The following ITM2A variants were observed in gnomAD, a reference collection of about 807,000 sequenced individuals.
ITM2A encodes integral membrane protein 2A, also known as BRICHOS domain containing 2A.
A neutral mutation model predicts 16.6 loss-of-function variants in ITM2A; 11 were observed. The observed-to-expected ratio is 0.66, with a 90% CI of 0.42 to 1.10. The LOEUF is 1.10. Ranked by LOEUF, ITM2A falls within the 50% of genes least tolerant of loss-of-function variation. The pLI is 0.00. For synonymous variants in ITM2A, 102 were observed against 71.2 expected, an observed-to-expected ratio of 1.43 and a Z score of -2.18; for missense variants, 243 against 206.8, an observed-to-expected ratio of 1.17 and a Z score of -1.07.
In ITM2A at chrX:79,362,638, G is replaced by T. The variant is rs1346752878; in HGVS notation, c.495C>A (p.Leu165=). 2 of 1,207,778 alleles carry T rather than the reference G, an allele frequency of 1.7e-6. No individual in the cohort carries two copies. Among genetic ancestry groups the T allele is most frequent in the Non-Finnish European group, 2.2e-6 (2 of 892,905 alleles). The change falls in exon 4 of 6, where the codon CTC becomes CTA. Residue 165 remains leucine (L), a synonymous_variant. Coordinates refer to ENST00000373298, the MANE Select transcript of ITM2A (RefSeq NM_004867.5). ...TTGGAGGCATAACAATAGAAGTATTGAGGGGCATCAGATAGCAGTTCCCCA... is the reference window on the plus strand; with the variant it reads ...TTGGAGGCATAACAATAGAAGTATTTAGGGGCATCAGATAGCAGTTCCCCA... ...LLLGNCYLMP[L]NTSIVMPPKN...
At chrX:79,361,658 G>C (rs931781524) in intron 4 of ITM2A, among the ~76,000 whole-genome samples, 179 bp from the exon 5 acceptor site, 4 of 111,118 alleles carry the variant, frequency 3.6e-5, no homozygotes, top group African/African-American at 1.3e-4. Flanking sequence ...TCCTGATCCT[G>C]TCCCTTCCCC....
intron 1 of ITM2A, chrX:79,366,743 G>C: frequency 6.5e-6 from 1 of 152,783 alleles, no homozygotes; most frequent in South Asian, 2.0e-4. Flanking sequence ...GACTATGCGC[G>C]CCCCTGGAGG....
intron 1 of ITM2A, among the ~76,000 whole-genome samples, chrX:79,365,424 C>T (rs906232107): frequency 6.3e-5 from 7 of 111,474 alleles, no homozygotes; most frequent in Non-Finnish European, 1.9e-5. Context: ...TTGTCATGCT[C>T]AACCTCTAAT....
rs953701339 is a variant in ITM2A, at chrX:79,360,420, T to A, written c.*669A>T. On this transcript the variant is annotated 3_prime_UTR_variant, in exon 6 of 6. Coordinates refer to ENST00000373298, the MANE Select transcript of ITM2A (RefSeq NM_004867.5). ...AAAATTTATTATAGGGTTGTAGAATTCATACAACCTAAACTCCTTACAGCA... is the reference window on the plus strand; with the variant it reads ...AAAATTTATTATAGGGTTGTAGAATACATACAACCTAAACTCCTTACAGCA... The A allele has an allele frequency of 3.6e-5, 4 of 111,653 alleles. No homozygotes were observed. Among genetic ancestry groups the A allele is most frequent in the African/African-American group, 6.5e-5 (2 of 30,783 alleles). 9.2% of individuals were successfully genotyped at this position (111,653 alleles called of 1,213,427 possible). A position where few individuals can be genotyped will look rare whatever the true frequency, so the allele number is the denominator to read the frequency against.
intron 1 of ITM2A, chrX:79,366,848 C>T (rs1393984255): frequency 3.0e-6 from 1 of 333,213 alleles, no homozygotes; most frequent in African/African-American, 2.7e-5. Context: ...TCCTCAAACT[C>T]TCTCTGACCT....
Position 79,362,680 on chromosome X carries a change from A to G in ITM2A, c.453T>C (p.Ala151=). 8.4e-7 allele frequency: 1 copy of G among 1,196,041 alleles called. No homozygotes were observed. The highest frequency in any genetic ancestry group is 1.1e-6 in the Non-Finnish European group (1 of 883,114). The change falls in exon 4 of 6, where the codon GCT becomes GCC. Residue 151 remains alanine, a synonymous_variant. Transcript: ENST00000373298. ...IIHDFEKGMT[A]YLDLLLGNCY... is the part of the protein sequence containing the mutation. ...AGTTCCCCAGCAACAAGTCCAGGTA[A>G]GCAGTCATTCCCTGTTAGGTAGGGG...
intron 3 of ITM2A, 35 bp from the exon 4 acceptor site, chrX:79,362,726 A>T (rs754308977): frequency 4.0e-6 from 4 of 1,001,459 alleles, no homozygotes; most frequent in Non-Finnish European, 5.6e-6. Context: ...GGTAAGACAC[A>T]GAAGGCATTA....
At chrX:79,367,017 G>T in intron 1 of ITM2A, 88 bp downstream of exon 1, 1 of 629,473 alleles carries the variant, frequency 1.6e-6, no homozygotes, top group Non-Finnish European at 2.4e-6. Flanking sequence ...AGCAAGAGGG[G>T]CCCTCCCAGG....
At chrX:79,362,848 C>T (rs1451339199) in intron 3 of ITM2A, 94 bp downstream of exon 3, 3 of 722,895 alleles carry the variant, frequency 4.1e-6, no homozygotes, top group Admixed American at 5.7e-5. Context: ...AAAACATGTG[C>T]ATTCATGAAT....
At chrX:79,362,882 T>C in intron 3 of ITM2A, 60 bp downstream of exon 3, 1 of 924,186 alleles carries the variant, frequency 1.1e-6, no homozygotes, top group Admixed American at 2.4e-5. Context: ...GCCAATGAAG[T>C]AAAAAAGAGA....
chrX:79,367,093 T>C lies in ITM2A; in HGVS notation c.111+12A>G. ...CGCCCACCCCTCCCCCATCCCGCCCTGGGACAGCTACCTTGCCGGTCAGTA... is the reference window on the plus strand; with the variant it reads ...CGCCCACCCCTCCCCCATCCCGCCCCGGGACAGCTACCTTGCCGGTCAGTA... On this transcript the variant is annotated intron_variant, in intron 1 of 5. Coordinates refer to ENST00000373298, the MANE Select transcript of ITM2A (RefSeq NM_004867.5). 1.0e-6 allele frequency: 1 copy of C among 995,459 alleles called. No homozygotes were observed. The highest frequency in any genetic ancestry group is 3.2e-5 in the East Asian group (1 of 30,814). The allele number at this position is 995,459 out of a possible 1,213,427, so 82.0% of individuals were successfully genotyped here.
chrX:79,363,528 T>C lies in ITM2A; in HGVS notation c.138A>G (p.Lys46=). The C allele has an allele frequency of 8.4e-7, 1 of 1,184,854 alleles. No individual in the cohort carries two copies. The highest frequency in any genetic ancestry group is 2.0e-5 in the South Asian group (1 of 50,800). The change falls in exon 2 of 6, where the codon AAA becomes AAG. Residue 46 remains lysine, a synonymous_variant. Transcript: ENST00000373298. Reference sequence around the variant, plus strand: ...GCATACATCTCCCAGAGGAGCCCTCTTTTTCCTGGGTGGCAACTCGGAGCT... The same window carrying C: ...GCATACATCTCCCAGAGGAGCCCTCCTTTTCCTGGGTGGCAACTCGGAGCT... ...GKELRVATQE[K]EGSSGRCMLT... is the part of the protein sequence containing the mutation.
intron 2 of ITM2A, 28 bp from the exon 3 acceptor site, chrX:79,363,167 C>G: frequency 1.8e-6 from 2 of 1,090,138 alleles, no homozygotes; most frequent in Non-Finnish European, 2.5e-6. Flanking sequence ...AAAATTACAA[C>G]CTTCTAATAA....
At chrX:79,366,538 G>T (rs1925579976) in intron 1 of ITM2A, among the ~76,000 whole-genome samples, 1 of 110,872 alleles carries the variant, frequency 9.0e-6, no homozygotes, top group Non-Finnish European at 1.9e-5. Context: ...ATATTCGCGC[G>T]CTCAAGCAGA....
intron 1 of ITM2A, 22 bp downstream of exon 1, chrX:79,367,083 C>CA: frequency 2.8e-6 from 3 of 1,084,135 alleles, no homozygotes; most frequent in Non-Finnish European, 3.8e-6. Context: ...ACCCCTCCCC[C>CA]ATCCCGCCCT....
chrX:79,363,082 G>A lies in ITM2A; in HGVS notation c.301C>T (p.Leu101Phe), dbSNP rs1469460646. Reference sequence around the variant, plus strand: ...AGGAAGTTAGGCTCTCCTCCACGAAGGGAATTTGCAGGATCCTCAGAATCA... The same window carrying A: ...AGGAAGTTAGGCTCTCCTCCACGAAAGGAATTTGCAGGATCCTCAGAATCA... ...FFDSEDPANSLRGGEPNFLPV... is the reference protein window; with the variant it reads ...FFDSEDPANSFRGGEPNFLPV... Residue 101 changes from leucine (L) to phenylalanine (F), a missense_variant, in exon 3 of 6, where the codon CTT (leucine) becomes TTT (phenylalanine). Transcript: ENST00000373298. The A allele has an allele frequency of 8.3e-7, 1 of 1,207,691 alleles. No individual in the cohort carries two copies. The highest frequency in any genetic ancestry group is 1.1e-6 in the Non-Finnish European group (1 of 893,993).
Position 79,364,586 on chromosome X carries a change from AG to A in ITM2A, c.112-1033del, listed in dbSNP as rs750974533. Among the ~76,000 whole-genome samples, 344 of 112,185 alleles carry A rather than the reference AG, an allele frequency of 3.1e-3. 1 individual carries two copies. The highest frequency in any genetic ancestry group is 0.011 in the African/African-American group (328 of 30,942). On this transcript the variant is annotated intron_variant, in intron 1 of 5. Coordinates refer to ENST00000373298, the MANE Select transcript of ITM2A (RefSeq NM_004867.5). ...ACTCAAGGACTGAATAAATGAAGTA[AG>A]CAAATCTAGGCCCTGATCATTAAAG... is the stretch of plus-strand genomic sequence containing the variant.
chrX:79,367,023 C>T (rs987302714), intron 1 of ITM2A, 82 bp downstream of exon 1: 2 of 687,713 alleles, frequency 2.9e-6, no homozygotes, highest in Non-Finnish European at 2.2e-6. Flanking sequence ...AGGGGCCCTC[C>T]CAGGGAAGCT....
At position 79,361,329 on chromosome X, in the gene ITM2A, C is replaced by T. The variant is rs752797990; in HGVS notation, c.703G>A (p.Gly235Ser). The T allele has an allele frequency of 8.3e-7, 1 of 1,204,679 alleles. No individual in the cohort carries two copies. Among genetic ancestry groups the T allele is most frequent in the African/African-American group, 1.8e-5 (1 of 57,104 alleles). Residue 235 changes from glycine to serine, a missense_variant and splice_region_variant, in exon 5 of 6, where the codon GGT (glycine) becomes AGT (serine). Coordinates refer to ENST00000373298, the MANE Select transcript of ITM2A (RefSeq NM_004867.5). Reference protein sequence around the residue: ...FRLRRRDLLLGFNKRAIDKCW... With the variant: ...FRLRRRDLLLSFNKRAIDKCW... ...AGGAAGGAATACATTAGTTACTTAC[C>T]CAGCAAGAGGTCTCTGCGACGAAGG...
Sources: gnomAD v4.1 joint callset for allele counts (sites outside exome capture counted in the v4.1 genomes callset) on GRCh38, gnomAD v4.1.1 for gene constraint, MANE v1.5 for transcripts, NCBI Gene and HGNC (gene_info 2026-07-23, HGNC 2026-07-21) for gene names.